The following C9 variants were observed in gnomAD, a reference collection of about 807,000 sequenced individuals.
The protein encoded by C9 is complement C9, also known as complement component C9.
In C9, 63 loss-of-function variants were observed where a neutral mutation model predicts 65.4. The observed-to-expected ratio is 0.96, with a 90% CI of 0.79 to 1.19. The LOEUF (loss-of-function observed/expected upper bound fraction) is 1.19. C9 is among the 50% of genes most tolerant of loss of function. C9 has a pLI of 0.00. For synonymous variants in C9, 229 were observed against 227.9 expected (o/e 1.00, Z -0.04); for missense variants, 744 against 670.1 (o/e 1.11, Z -1.22).
intron 1 of C9, among the ~76,000 whole-genome samples, chr5:39,345,016 A>C (rs1754163681): frequency 6.6e-6 from 1 of 152,340 alleles, no homozygotes; most frequent in South Asian, 2.1e-4. Flanking sequence ...GAGCTCCTGA[A>C]GGAAGCACCA....
intron 1 of C9, among the ~76,000 whole-genome samples, chr5:39,348,729 T>C (rs1754257597): frequency 6.6e-6 from 1 of 152,218 alleles, no homozygotes; most frequent in African/African-American, 2.4e-5. Context: ...CACGTATGTT[T>C]ATTGTGGCAC....
chr5:39,320,509 G>A (rs1275761436), intron 5 of C9, among the ~76,000 whole-genome samples: 1 of 152,120 alleles, frequency 6.6e-6, no homozygotes, highest in East Asian at 1.9e-4. Flanking sequence ...AAGAAATAGT[G>A]AAGAAGTCCT....
chr5:39,295,317 T>G (rs1753165000), intron 9 of C9, among the ~76,000 whole-genome samples: 1 of 151,578 alleles, frequency 6.6e-6, no homozygotes, highest in African/African-American at 2.4e-5. Flanking sequence ...CCTAAAGACT[T>G]TACCAAAATA....
chr5:39,294,668 A>T (rs888692383), intron 9 of C9, among the ~76,000 whole-genome samples: 2 of 151,678 alleles, frequency 1.3e-5, no homozygotes, highest in African/African-American at 2.4e-5. Flanking sequence ...CTTCTCAAAA[A>T]TTTTTTTAAA....
At chr5:39,358,991 AT>A (rs901724808) in intron 1 of C9, among the ~76,000 whole-genome samples, 1 of 64,798 alleles carries the variant, frequency 1.5e-5, no homozygotes, top group African/African-American at 6.8e-5. Context: ...TCTCAAAAAA[AT>A]AAATAAATAA....
intron 1 of C9, among the ~76,000 whole-genome samples, chr5:39,351,995 A>C (rs980420943): frequency 1.3e-5 from 2 of 152,340 alleles, no homozygotes; most frequent in African/African-American, 4.8e-5. Context: ...CTTCTAAAGA[A>C]AAAAGGTTGA....
At chr5:39,333,756 C>G (rs553481973) in intron 4 of C9, among the ~76,000 whole-genome samples, 1 of 151,902 alleles carries the variant, frequency 6.6e-6, no homozygotes, top group Non-Finnish European at 1.5e-5. Flanking sequence ...CGATTGCAGG[C>G]GCGCACCGCC....
intron 5 of C9, among the ~76,000 whole-genome samples, chr5:39,318,194 A>G (rs72736593): frequency 0.026 from 3,989 of 152,120 alleles, 81 homozygotes; most frequent in Middle Eastern, 0.041. Context: ...TTTGCCCATT[A>G]ATTTTGCATC....
At chr5:39,356,629 C>G (rs113552337) in intron 1 of C9, among the ~76,000 whole-genome samples, 2 of 152,308 alleles carry the variant, frequency 1.3e-5, no homozygotes, top group Non-Finnish European at 2.9e-5. Flanking sequence ...ACCTGGCTCA[C>G]TGGAAGCACA....
At chr5:39,349,451 A>G (rs1183527655) in intron 1 of C9, among the ~76,000 whole-genome samples, 1 of 152,092 alleles carries the variant, frequency 6.6e-6, no homozygotes, top group Non-Finnish European at 1.5e-5. Flanking sequence ...TCACAATAAC[A>G]CTTCTTAGAA....
At chr5:39,343,643 A>C (rs944859960) in intron 1 of C9, among the ~76,000 whole-genome samples, 11 of 152,206 alleles carry the variant, frequency 7.2e-5, no homozygotes, top group African/African-American at 2.7e-4. Context: ...CTGCAGACTT[A>C]AATGTCCCTG....
chr5:39,363,205 A>T (rs1186454708), intron 1 of C9, among the ~76,000 whole-genome samples: 1 of 152,222 alleles, frequency 6.6e-6, no homozygotes, highest in East Asian at 1.9e-4. Context: ...CTAAACAAAA[A>T]TATTTCCTGA....
intron 9 of C9, among the ~76,000 whole-genome samples, chr5:39,292,493 T>G (rs2111844228): frequency 6.6e-6 from 1 of 151,834 alleles, no homozygotes; most frequent in Admixed American, 6.6e-5. Flanking sequence ...CAAAGGAAAT[T>G]TTTCAGGCAG....
rs183398710 is a variant in C9 at position 39,333,882 on chromosome 5, G to A, written c.477-2068C>T. ...GCCAGCCTTGGCCTCCTGAGTTGCCGGGATTGCAGACAGAGTCTCGTTAAC... is the reference window on the plus strand; with the variant it reads ...GCCAGCCTTGGCCTCCTGAGTTGCCAGGATTGCAGACAGAGTCTCGTTAAC... On this transcript the variant is annotated intron_variant, in intron 4 of 10. Transcript: ENST00000263408. Among the ~76,000 whole-genome samples, 1,047 of 152,280 alleles carry A rather than the reference G, an allele frequency of 6.9e-3. 14 individuals are homozygous for A. The highest frequency in any genetic ancestry group is 0.023 in the African/African-American group (955 of 41,536).
intron 1 of C9, among the ~76,000 whole-genome samples, chr5:39,358,530 C>T (rs1049016449): frequency 6.6e-6 from 1 of 152,102 alleles, no homozygotes; most frequent in African/African-American, 2.4e-5. Context: ...GCAGAAGTAA[C>T]ACAAGTTTGT....
chr5:39,300,180 A>G (rs2111862377), intron 9 of C9, among the ~76,000 whole-genome samples: 1 of 152,268 alleles, frequency 6.6e-6, no homozygotes, highest in South Asian at 2.1e-4. Flanking sequence ...TGGGAGGCCA[A>G]GGCAGGTGGA....
intron 9 of C9, among the ~76,000 whole-genome samples, chr5:39,290,650 T>C (rs1037430521): frequency 4.0e-5 from 6 of 151,356 alleles, no homozygotes; most frequent in African/African-American, 1.5e-4. Context: ...AATAAGAAAA[T>C]AAAAAATCAC....
At chr5:39,333,324 G>T (rs1753878973) in intron 4 of C9, among the ~76,000 whole-genome samples, 1 of 152,148 alleles carries the variant, frequency 6.6e-6, no homozygotes, top group Non-Finnish European at 1.5e-5. Context: ...ATGGCATGTA[G>T]TTGAGAGTGA....
rs767519649 is a variant in C9, at chr5:39,311,168, A to G, written c.1080T>C (p.Tyr360=). The change falls in exon 7 of 11, where the codon TAT becomes TAC. Residue 360 remains tyrosine, a synonymous_variant. Coordinates refer to ENST00000263408, the MANE Select transcript of C9 (RefSeq NM_001737.5). ...GCTTCATGGAAGCTTTATCCAAAAC[A>G]TATATTAGTTCATAGAGTCCTCCTA... ...GSLGGLYELI[Y]VLDKASMKRK... is the part of the protein sequence containing the mutation. 1 of 1,613,320 alleles carries G rather than the reference A, an allele frequency of 6.2e-7. No individual in the cohort carries two copies. Among genetic ancestry groups the G allele is most frequent in the African/African-American group, 1.3e-5 (1 of 74,908 alleles).
Sources: gnomAD v4.1 joint callset for allele counts (sites outside exome capture counted in the v4.1 genomes callset) on GRCh38, gnomAD v4.1.1 for gene constraint, MANE v1.5 for transcripts, NCBI Gene and HGNC (gene_info 2026-07-23, HGNC 2026-07-21) for gene names.